Variants in LPA observed in about 807,000 individuals in gnomAD.
LPA encodes the protein apolipoprotein(a).
A neutral mutation model predicts 197.9 loss-of-function variants in LPA; 199 were observed. That is an observed-to-expected ratio of 1.01 (90% CI 0.90 to 1.13). The LOEUF (loss-of-function observed/expected upper bound fraction) is 1.13. LPA is among the 50% of genes most tolerant of loss of function. LPA has a pLI of 0.00. For synonymous variants in LPA, 715 were observed against 639.5 expected (o/e 1.12, Z -1.78); for missense variants, 1,853 against 1,785.8 (o/e 1.04, Z -0.68).
In LPA at chr6:160,595,524, C is replaced by T; in HGVS notation, c.3299G>A (p.Arg1100Lys). 6.2e-7 allele frequency: 1 copy of T among 1,613,974 alleles called. No individual in the cohort carries two copies. Among genetic ancestry groups the T allele is most frequent in the Non-Finnish European group, 8.5e-7 (1 of 1,179,936 alleles). ...PENYPNAGLT[R>K]NYCRNPDAEI... is the part of the protein sequence containing the mutation. ...AGCATCTGGATTCCTGCAGTAGTTC[C>T]TGGTCAGGCCACTGCAAATTTCAAA... The change falls in exon 21 of 39, where the codon AGG (arginine) becomes AAG (lysine). Residue 1100 changes from arginine (R) to lysine (K), a missense_variant. By Grantham distance (26) the Arg-to-Lys change is conservative. Transcript: ENST00000316300.
intron 25 of LPA, 88 bp downstream of exon 25, chr6:160,586,361 G>T: frequency 2.0e-6 from 3 of 1,468,830 alleles, no homozygotes; most frequent in Non-Finnish European, 2.8e-6. Context: ...TTCCTGTGCA[G>T]CATGGAAGTT....
chr6:160,593,877 G>A, intron 22 of LPA, 81 bp downstream of exon 22: 1 of 1,540,736 alleles, frequency 6.5e-7, no homozygotes, highest in Non-Finnish European at 9.0e-7. Flanking sequence ...TTTGTCATAA[G>A]AAGTTAGTTG....
At chr6:160,654,263 T>G (rs1483957915) in intron 1 of LPA, among the ~76,000 whole-genome samples, 1 of 147,738 alleles carries the variant, frequency 6.8e-6, no homozygotes, top group Non-Finnish European at 1.5e-5. Flanking sequence ...AGGAAGCATT[T>G]GGCACAGGAG....
rs1779107169 is a variant in LPA, at chr6:160,595,226, T to C, written c.3469+128A>G. On this transcript the variant is annotated intron_variant, in intron 21 of 38. Coordinates refer to ENST00000316300, the MANE Select transcript of LPA (RefSeq NM_005577.4). Reference sequence around the variant, plus strand: ...GAAGGCGCTGAGTGTTCCTTCCCAGTGGCTGACCCTGAGTCCACATTCTAC... The same window carrying C: ...GAAGGCGCTGAGTGTTCCTTCCCAGCGGCTGACCCTGAGTCCACATTCTAC... The C allele has an allele frequency of 3.4e-6, 4 of 1,177,472 alleles. 1 individual carries two copies. In the South Asian group the frequency reaches 3.7e-5, roughly 11 times the overall value. 72.9% of individuals were successfully genotyped at this position (1,177,472 alleles called of 1,614,324 possible). A position where few individuals can be genotyped will look rare whatever the true frequency, so the allele number is the denominator to read the frequency against.
At chr6:160,599,710 A>G in intron 19 of LPA, 51 bp from the exon 20 acceptor site, 2 of 1,605,398 alleles carry the variant, frequency 1.2e-6, no homozygotes, top group East Asian at 4.5e-5. Flanking sequence ...GAACAGAAAA[A>G]TACAGGAAGC....
At position 160,593,940 on chromosome 6, in the gene LPA, GA is replaced by G. The variant is rs1394189735; in HGVS notation, c.3629+17del. On this transcript the variant is annotated intron_variant, in intron 22 of 38. Coordinates refer to ENST00000316300, the MANE Select transcript of LPA (RefSeq NM_005577.4). ...AAGGGGGCTGCTGTCTGTCTTTGAA[GA>G]AAACTCAAGGTTGTACCCATTTGGA... 1 of 1,613,006 alleles carries G rather than the reference GA, an allele frequency of 6.2e-7. No homozygotes were observed. The highest frequency in any genetic ancestry group is 1.7e-5 in the Admixed American group (1 of 60,004).
At position 160,611,543 on chromosome 6, in the gene LPA, G is replaced by C; in HGVS notation, c.2603+19C>G. Reference sequence around the variant, plus strand: ...TCAGTTGGCCCTTTATTCTCTTATGGTAAAGAACAAAGACATACGCATTTG... The same window carrying C: ...TCAGTTGGCCCTTTATTCTCTTATGCTAAAGAACAAAGACATACGCATTTG... On this transcript the variant is annotated intron_variant, in intron 16 of 38. Coordinates refer to ENST00000316300, the MANE Select transcript of LPA (RefSeq NM_005577.4). 6.2e-7 allele frequency: 1 copy of C among 1,606,968 alleles called. No individual in the cohort carries two copies. Among genetic ancestry groups the C allele is most frequent in the Non-Finnish European group, 8.5e-7 (1 of 1,179,030 alleles).
intron 20 of LPA, among the ~76,000 whole-genome samples, chr6:160,596,701 T>C (rs750196308): frequency 3.3e-5 from 5 of 152,202 alleles, no homozygotes; most frequent in Non-Finnish European, 7.4e-5. Context: ...CAAAGTCCTT[T>C]AACCTCATGG....
At chr6:160,655,211 G>A (rs1780111774) in intron 1 of LPA, among the ~76,000 whole-genome samples, 1 of 152,158 alleles carries the variant, frequency 6.6e-6, no homozygotes, top group Non-Finnish European at 1.5e-5. Context: ...TACCACCAAA[G>A]CCCAATAACA....
chr6:160,534,193 A>G (rs922800166), intron 37 of LPA, among the ~76,000 whole-genome samples: 4 of 152,206 alleles, frequency 2.6e-5, no homozygotes, highest in Admixed American at 6.5e-5. Flanking sequence ...AGCATTGGGC[A>G]TGGGATGCAT....
intron 28 of LPA, among the ~76,000 whole-genome samples, chr6:160,558,272 G>GTC (rs956717278): frequency 6.6e-6 from 1 of 151,918 alleles, no homozygotes; most frequent in African/African-American, 2.4e-5. Flanking sequence ...CATTCTCTGT[G>GTC]TCTCTCTCTA....
Position 160,542,809 on chromosome 6 carries a change from C to A in LPA, c.5399-1G>T. On this transcript the variant is annotated splice_acceptor_variant, in intron 33 of 38. Coordinates refer to ENST00000316300, the MANE Select transcript of LPA (RefSeq NM_005577.4). LOFTEE classifies it high-confidence loss of function. ...TTCCCACAATCAAATGAAGAGGATG[C>A]TGTGGCACAAGGTGGGAAAAGAAGT... The A allele has an allele frequency of 6.2e-7, 1 of 1,613,910 alleles. No homozygotes were observed. Among genetic ancestry groups the A allele is most frequent in the Non-Finnish European group, 8.5e-7 (1 of 1,179,872 alleles).
chr6:160,608,705 C>T (rs1779413973), intron 16 of LPA, among the ~76,000 whole-genome samples: 1 of 152,034 alleles, frequency 6.6e-6, no homozygotes, highest in East Asian at 1.9e-4. Context: ...GTTTCTGTTT[C>T]CAATCTCCCG....
At position 160,593,973 on chromosome 6, in the gene LPA, T is replaced by C; in HGVS notation, c.3614A>G (p.Glu1205Gly). 6.2e-7 allele frequency: 1 copy of C among 1,613,898 alleles called. No individual in the cohort carries two copies. Among genetic ancestry groups the C allele is most frequent in the South Asian group, 1.1e-5 (1 of 91,084 alleles). ...AAGGTTGTACCCATTTGGATAATATTCTGTTGTCCTCTGATGCCAGTGTGG... is the reference window on the plus strand; with the variant it reads ...AAGGTTGTACCCATTTGGATAATATCCTGTTGTCCTCTGATGCCAGTGTGG... ...MTPHWHQRTT[E>G]YYPNGGLTRN... is the part of the protein sequence containing the mutation. Residue 1205 changes from glutamate (E) to glycine (G), a missense_variant, in exon 22 of 39, where the codon GAA becomes GGA. Physicochemically the swap from Glu to Gly is moderately conservative, Grantham distance 98 (BLOSUM62 -2). Around this residue, in one of 3 missense-constraint regions of LPA, gnomAD observed 1,737 missense variants for 1,504.4 expected, o/e 1.15. Transcript: ENST00000316300.
intron 28 of LPA, among the ~76,000 whole-genome samples, chr6:160,564,964 A>G (rs1778425291): frequency 6.6e-6 from 1 of 152,184 alleles, no homozygotes; most frequent in Non-Finnish European, 1.5e-5. Context: ...AGGCGGCAGC[A>G]AAGCTGGGGG....
At chr6:160,555,086 G>C (rs1236340178) in intron 30 of LPA, among the ~76,000 whole-genome samples, 1 of 151,526 alleles carries the variant, frequency 6.6e-6, no homozygotes, top group Non-Finnish European at 1.5e-5. Context: ...CTGGTTTTTT[G>C]TCCATGTACC....
chr6:160,601,059 C>T lies in LPA; in HGVS notation c.2985G>A (p.Val995=). 6 of 1,614,008 alleles carry T rather than the reference C, an allele frequency of 3.7e-6. No homozygotes were observed. Among genetic ancestry groups the T allele is most frequent in the Non-Finnish European group, 5.1e-6 (6 of 1,179,952 alleles). ...CTGTTGTATAACACCAAGGGGCTGC[C>T]ACAGGATCTGGATTTCGGCAGTAGT... ...IKNYCRNPDP[V]AAPWCYTTDP... is the part of the protein sequence containing the mutation. Residue 995 remains valine, a synonymous_variant, in exon 19 of 39, where the codon GTG becomes GTA. Coordinates refer to ENST00000316300, the MANE Select transcript of LPA (RefSeq NM_005577.4).
intron 30 of LPA, among the ~76,000 whole-genome samples, chr6:160,555,735 G>A (rs1778252307): frequency 6.6e-6 from 1 of 151,950 alleles, no homozygotes; most frequent in African/African-American, 2.4e-5. Flanking sequence ...TATGAGCCTT[G>A]TAGAATGGCA....
chr6:160,654,676 C>A (rs192057481), intron 1 of LPA, among the ~76,000 whole-genome samples: 4 of 152,142 alleles, frequency 2.6e-5, no homozygotes, highest in Non-Finnish European at 5.9e-5. Context: ...ATAAGGTTAA[C>A]AATATTTAAA....
Sources: allele counts gnomAD v4.1 joint callset (sites outside exome capture counted in the v4.1 genomes callset), GRCh38; gene constraint gnomAD v4.1.1; regional missense constraint gnomAD v4.1.1; transcripts MANE v1.5; gene names NCBI Gene and HGNC (gene_info 2026-07-23, HGNC 2026-07-21).